RBFOX1: variants seen among roughly 807,000 people sequenced by gnomAD.
RBFOX1 encodes RNA binding fox-1 homolog 1, also known as RNA binding protein fox-1 homolog 1.
RBFOX1 carries 8 observed loss-of-function variants against 57.7 expected under a neutral mutation model. The ratio of observed to expected loss-of-function variants is 0.14; its 90% CI spans 0.08 to 0.25. The LOEUF (loss-of-function observed/expected upper bound fraction) is 0.25, where lower values mean the gene tolerates loss of function less well. Among genes scored for constraint, RBFOX1 ranks in the 10% least tolerant of loss-of-function variants. RBFOX1 has a pLI of 1.00. For synonymous variants in RBFOX1, 326 were observed against 222.4 expected (o/e 1.47, Z -4.15); for missense variants, 611 against 548.5 (o/e 1.11, Z -1.14).
intron 3 of RBFOX1, among the ~76,000 whole-genome samples, chr16:6,918,430 A>G (rs1173643421): frequency 2.6e-5 from 4 of 152,172 alleles, no homozygotes; most frequent in Non-Finnish European, 5.9e-5. Flanking sequence ...CTGTAGCTAT[A>G]GGAAGACTTC....
At chr16:7,330,135 C>G (rs1400177348) in intron 4 of RBFOX1, among the ~76,000 whole-genome samples, 1 of 152,096 alleles carries the variant, frequency 6.6e-6, no homozygotes, top group Non-Finnish European at 1.5e-5. Flanking sequence ...AGTCATCCCT[C>G]AATATGGTGG....
At chr16:5,770,973 C>T (rs913312225) in intron 3 of RBFOX1, among the ~76,000 whole-genome samples, 5 of 152,166 alleles carry the variant, frequency 3.3e-5, no homozygotes, top group African/African-American at 7.2e-5. Flanking sequence ...TCTCTGGCCA[C>T]GACCCTTTTT....
chr16:7,491,769 C>T (rs780111913), intron 4 of RBFOX1, among the ~76,000 whole-genome samples: 5 of 151,946 alleles, frequency 3.3e-5, no homozygotes, highest in East Asian at 1.9e-4. Flanking sequence ...TAGCTAGGAC[C>T]GCAGGCACAT....
intron 3 of RBFOX1, among the ~76,000 whole-genome samples, chr16:5,723,876 C>A (rs12324936): frequency 6.6e-6 from 1 of 152,342 alleles, no homozygotes; most frequent in East Asian, 1.9e-4. Flanking sequence ...ACAGCAAAGT[C>A]GCTTCTACAT....
At chr16:5,993,570 G>A (rs571865716) in intron 4 of RBFOX1, among the ~76,000 whole-genome samples, 4 of 152,120 alleles carry the variant, frequency 2.6e-5, no homozygotes, top group South Asian at 2.1e-4. Context: ...TGAAATGTTG[G>A]CCATTATTCT....
chr16:7,710,521 G>T (rs918574445), intron 15 of RBFOX1, 102 bp from the exon 16 acceptor site: 28 of 1,570,316 alleles, frequency 1.8e-5, no homozygotes, highest in South Asian at 7.1e-5. Flanking sequence ...CCTCCATTTC[G>T]GTTGGTTTTG....
At chr16:7,168,368 C>T (rs985523132) in intron 4 of RBFOX1, among the ~76,000 whole-genome samples, 12 of 152,070 alleles carry the variant, frequency 7.9e-5, no homozygotes, top group African/African-American at 2.7e-4. Context: ...GGGTGCAGAG[C>T]CAGGTAGGAA....
At chr16:6,483,638 GC>G in intron 2 of RBFOX1, 1 of 1,283,206 alleles carries the variant, frequency 7.8e-7, no homozygotes, top group South Asian at 1.3e-5. Context: ...GGCAGCTTCT[GC>G]AGAGGCTTCC....
chr16:6,669,800 G>T (rs867852986), intron 3 of RBFOX1, among the ~76,000 whole-genome samples: 1 of 152,110 alleles, frequency 6.6e-6, no homozygotes, highest in Non-Finnish European at 1.5e-5. Flanking sequence ...TCTAGCTTTT[G>T]GTTAAGGGAG....
At chr16:5,737,628 G>T (rs542967276) in intron 3 of RBFOX1, among the ~76,000 whole-genome samples, 1 of 144,342 alleles carries the variant, frequency 6.9e-6, no homozygotes, top group African/African-American at 2.6e-5. Flanking sequence ...CAGCAAATCT[G>T]TACTTCTCAC....
At chr16:7,090,666 A>G (rs2060680349) in intron 4 of RBFOX1, among the ~76,000 whole-genome samples, 1 of 151,444 alleles carries the variant, frequency 6.6e-6, no homozygotes, top group Admixed American at 6.6e-5. Flanking sequence ...GAGTGAGTAC[A>G]GGTTGCTGTA....
chr16:6,820,590 T>G (rs2091102958), intron 3 of RBFOX1, among the ~76,000 whole-genome samples: 1 of 151,928 alleles, frequency 6.6e-6, no homozygotes, highest in Admixed American at 6.6e-5. Context: ...GCCCGGGAGT[T>G]AGAGGCTGCT....
chr16:6,687,752 T>G (rs774605625), intron 3 of RBFOX1, among the ~76,000 whole-genome samples: 2 of 152,162 alleles, frequency 1.3e-5, no homozygotes, highest in Non-Finnish European at 2.9e-5. Context: ...AGCTACTCTG[T>G]TATAGGTCAG....
At chr16:5,358,072 C>T (rs917916597) in intron 1 of RBFOX1, among the ~76,000 whole-genome samples, 4 of 152,082 alleles carry the variant, frequency 2.6e-5, no homozygotes, top group Admixed American at 6.5e-5. Flanking sequence ...ACCAAGATGT[C>T]GGCAGTATGG....
At chr16:5,924,665 A>G (rs2152235738) in intron 4 of RBFOX1, among the ~76,000 whole-genome samples, 1 of 152,298 alleles carries the variant, frequency 6.6e-6, no homozygotes, top group East Asian at 1.9e-4. Flanking sequence ...CATGAGCTAA[A>G]TAAACTTCTT....
intron 4 of RBFOX1, among the ~76,000 whole-genome samples, chr16:7,513,943 C>G (rs1318557887): frequency 6.6e-6 from 1 of 152,220 alleles, no homozygotes; most frequent in African/African-American, 2.4e-5. Context: ...GTCTCCAAGT[C>G]TAGCTATCAC....
intron 3 of RBFOX1, among the ~76,000 whole-genome samples, chr16:5,704,440 G>A (rs1211812864): frequency 6.6e-6 from 1 of 152,138 alleles, no homozygotes; most frequent in Non-Finnish European, 1.5e-5. Flanking sequence ...ATTAGAATGT[G>A]CACAGCTCTG....
chr16:5,639,567 G>A (rs2048794632), intron 3 of RBFOX1, among the ~76,000 whole-genome samples: 1 of 152,292 alleles, frequency 6.6e-6, no homozygotes, highest in Admixed American at 6.5e-5. Flanking sequence ...AAGTGTGTTT[G>A]CCACACTCTC....
At chr16:7,606,700 A>G (rs1322777977) in intron 9 of RBFOX1, among the ~76,000 whole-genome samples, 3 of 152,236 alleles carry the variant, frequency 2.0e-5, no homozygotes, top group Admixed American at 1.3e-4. Flanking sequence ...TACCTTAGAT[A>G]TCATACATTG....
Sources: allele counts gnomAD v4.1 joint callset (sites outside exome capture counted in the v4.1 genomes callset), GRCh38; gene constraint gnomAD v4.1.1; transcripts MANE v1.5; gene names NCBI Gene and HGNC (gene_info 2026-07-23, HGNC 2026-07-21).